Variants in LTBP1 observed in about 807,000 individuals in gnomAD.
The protein encoded by LTBP1 is latent transforming growth factor beta binding protein 1.
In LTBP1, 129 loss-of-function variants were observed where a neutral mutation model predicts 207.6. The observed-to-expected ratio is 0.62, with a 90% CI of 0.54 to 0.72. The LOEUF (loss-of-function observed/expected upper bound fraction) is 0.72. Among genes scored for constraint, LTBP1 ranks in the 30% least tolerant of loss-of-function variants. The probability of loss-of-function intolerance (pLI) is 0.00; values close to 1 mark genes in which losing one functional copy is unlikely to be tolerated. For missense variants in LTBP1, 2,281 were observed against 2,217.2 expected (o/e 1.03, Z -0.58); for synonymous variants, 963 against 833.7 (o/e 1.16, Z -2.67).
chr2:33,123,951 T>C (rs2081295187), intron 4 of LTBP1, among the ~76,000 whole-genome samples: 1 of 152,256 alleles, frequency 6.6e-6, no homozygotes, highest in African/African-American at 2.4e-5. Context: ...CCACTTTAGC[T>C]CTTTGTGTAA....
At chr2:33,176,330 A>G (rs2086054570) in intron 5 of LTBP1, among the ~76,000 whole-genome samples, 4 of 152,022 alleles carry the variant, frequency 2.6e-5, no homozygotes, top group Non-Finnish European at 1.5e-5. Context: ...GGTTCATGCC[A>G]TTCTCCTGCC....
At chr2:32,982,517 C>T (rs1382813235) in intron 2 of LTBP1, among the ~76,000 whole-genome samples, 1 of 152,110 alleles carries the variant, frequency 6.6e-6, no homozygotes, top group East Asian at 1.9e-4. Flanking sequence ...AAGTTAATCA[C>T]CAAGACAGTG....
chr2:33,154,894 C>A (rs1221004872), intron 5 of LTBP1, among the ~76,000 whole-genome samples: 1 of 152,120 alleles, frequency 6.6e-6, no homozygotes, highest in East Asian at 1.9e-4. Context: ...GAAACCCCAT[C>A]TCTACTAAAA....
intron 9 of LTBP1, among the ~76,000 whole-genome samples, chr2:33,231,116 A>C (rs1290660201): frequency 6.6e-6 from 1 of 152,190 alleles, no homozygotes; most frequent in African/African-American, 2.4e-5. Context: ...TGCCCTTAGA[A>C]TTTAGTGTAA....
chr2:33,309,421 A>C lies in LTBP1; in HGVS notation c.3482-13A>C, dbSNP rs763564579. On this transcript the variant is annotated splice_polypyrimidine_tract_variant and intron_variant, in intron 22 of 33. Transcript: ENST00000404816. ...TTTATTTAGTCTTTAAAAATTTTTAAATTGGTTTTTAGATATCAATGAATG... is the reference window on the plus strand; with the variant it reads ...TTTATTTAGTCTTTAAAAATTTTTACATTGGTTTTTAGATATCAATGAATG... 6.4e-7 allele frequency: 1 copy of C among 1,574,266 alleles called. No individual in the cohort carries two copies. The highest frequency in any genetic ancestry group is 1.4e-5 in the African/African-American group (1 of 72,214).
At chr2:33,087,224 C>G (rs1438924285) in intron 3 of LTBP1, among the ~76,000 whole-genome samples, 2 of 150,346 alleles carry the variant, frequency 1.3e-5, no homozygotes, top group African/African-American at 4.9e-5. Context: ...ACAGTTAGTG[C>G]CTGGCTACTT....
rs780539754 is a variant in LTBP1 at position 32,947,709 on chromosome 2, G to C, written c.385G>C (p.Ala129Pro). 1.1e-4 allele frequency: 162 copies of C among 1,528,380 alleles called. No individual in the cohort carries two copies. Among genetic ancestry groups the C allele is most frequent in the Non-Finnish European group, 1.3e-4 (145 of 1,138,784 alleles). The allele number at this position is 1,528,380 out of a possible 1,614,324, so 94.7% of individuals were successfully genotyped here. A position where few individuals can be genotyped will look rare whatever the true frequency, so the allele number is the denominator to read the frequency against. ...CAATCCCGGCGGCCACCCGGCAGCC[G>C]CCCCGTTCACCAAACAAGGCAGGCA... ...HPNPGGHPAAAPFTKQGRQVV... is the reference protein window; with the variant it reads ...HPNPGGHPAAPPFTKQGRQVV... The change falls in exon 1 of 34, where the codon GCC becomes CCC. Residue 129 changes from alanine (A) to proline (P), a missense_variant. This residue lies in a region of LTBP1 where 555 missense variants were observed against 491.0 expected (regional missense o/e 1.13). Transcript: ENST00000404816.
intron 3 of LTBP1, among the ~76,000 whole-genome samples, chr2:33,054,213 A>C (rs532289065): frequency 4.6e-5 from 7 of 152,344 alleles, no homozygotes; most frequent in Admixed American, 3.3e-4. Context: ...ACTAGTCTCC[A>C]CTGACCGTTC....
intron 11 of LTBP1, among the ~76,000 whole-genome samples, chr2:33,253,770 TA>T (rs2092748627): frequency 2.0e-5 from 3 of 152,012 alleles, no homozygotes; most frequent in African/African-American, 4.8e-5. Context: ...AGAACTGTGT[TA>T]AGGCAAAGGA....
chr2:33,173,364 A>G (rs1296062085), intron 5 of LTBP1, among the ~76,000 whole-genome samples: 1 of 152,146 alleles, frequency 6.6e-6, no homozygotes, highest in African/African-American at 2.4e-5. Flanking sequence ...CCATCAGAGA[A>G]TACTACAAAC....
chr2:33,021,925 T>C (rs1262232312), intron 3 of LTBP1, among the ~76,000 whole-genome samples: 2 of 152,216 alleles, frequency 1.3e-5, no homozygotes, highest in African/African-American at 4.8e-5. Flanking sequence ...ACAAATTGTC[T>C]CCTCTTAATG....
chr2:33,388,440 T>A (rs1172128748), intron 31 of LTBP1, among the ~76,000 whole-genome samples: 2 of 152,260 alleles, frequency 1.3e-5, no homozygotes, highest in Non-Finnish European at 2.9e-5. Flanking sequence ...ACATGGCAGC[T>A]GTCATGTAAC....
chr2:33,379,727 G>T (rs576410829), intron 31 of LTBP1, among the ~76,000 whole-genome samples: 1 of 152,296 alleles, frequency 6.6e-6, no homozygotes, highest in African/African-American at 2.4e-5. Context: ...ACTTTGCAGT[G>T]ATGTCTTACT....
chr2:33,377,256 C>T (rs996906266), intron 31 of LTBP1, among the ~76,000 whole-genome samples: 5 of 152,204 alleles, frequency 3.3e-5, no homozygotes, highest in East Asian at 1.9e-4. Context: ...GTATTTGGAA[C>T]GCCGACCAGG....
intron 3 of LTBP1, among the ~76,000 whole-genome samples, chr2:33,028,211 C>G (rs1474030250): frequency 6.6e-6 from 1 of 152,136 alleles, no homozygotes; most frequent in Non-Finnish European, 1.5e-5. Context: ...AAGTTTGTAT[C>G]TAAAAATGGG....
At chr2:33,350,063 A>G (rs769342867) in intron 26 of LTBP1, among the ~76,000 whole-genome samples, 13 of 152,270 alleles carry the variant, frequency 8.5e-5, no homozygotes, top group Non-Finnish European at 1.6e-4. Flanking sequence ...CCAGTAAAAG[A>G]ATCTGCTATT....
At position 33,228,695 on chromosome 2, in the gene LTBP1, CCCTTTT is replaced by C. The variant is rs1482863753; in HGVS notation, c.1876+6545_1876+6550del. On this transcript the variant is annotated intron_variant, in intron 9 of 33. Coordinates refer to ENST00000404816, the MANE Select transcript of LTBP1 (RefSeq NM_206943.4). ...GTTAATAAGCCCAACCAGGGTTATA[CCCTTTT>C]TTTTTTTTTTTTTTTTTGAGATGGA... Among the ~76,000 whole-genome samples, 2 of 60,696 alleles carry C rather than the reference CCCTTTT, an allele frequency of 3.3e-5. 1 individual carries two copies. Among genetic ancestry groups the C allele is most frequent in the African/African-American group, 1.2e-4 (2 of 16,972 alleles). 39.8% of individuals were successfully genotyped at this position (60,696 alleles called of 152,430 possible).
At chr2:32,968,408 C>T (rs563147264) in intron 2 of LTBP1, among the ~76,000 whole-genome samples, 56 of 152,318 alleles carry the variant, frequency 3.7e-4, no homozygotes, top group African/African-American at 1.2e-3. Flanking sequence ...CTTGCTCTGA[C>T]GCCAGCTCTC....
intron 9 of LTBP1, among the ~76,000 whole-genome samples, chr2:33,222,353 GCA>G (rs2091165315): frequency 6.6e-6 from 1 of 152,192 alleles, no homozygotes. Context: ...GAAACTTGAT[GCA>G]AGTTTTTAAT....
Sources: gnomAD v4.1 joint callset for allele counts (sites outside exome capture counted in the v4.1 genomes callset) on GRCh38, gnomAD v4.1.1 for gene constraint, gnomAD v4.1.1 regional missense constraint, MANE v1.5 for transcripts, NCBI Gene and HGNC (gene_info 2026-07-23, HGNC 2026-07-21) for gene names.